PLXNA2: variants seen among roughly 807,000 people sequenced by gnomAD.
PLXNA2 encodes the protein plexin A2.
PLXNA2 carries 91 observed loss-of-function variants against 193.5 expected under a neutral mutation model. The ratio of observed to expected loss-of-function variants is 0.47; its 90% CI spans 0.40 to 0.56. The LOEUF is 0.56. Ranked by LOEUF, PLXNA2 falls within the 20% of genes least tolerant of loss-of-function variation. PLXNA2 has a pLI of 0.00. For missense variants in PLXNA2, 1,995 were observed against 2,503.2 expected (o/e 0.80, Z 4.33); for synonymous variants, 997 against 1,027.3 (o/e 0.97, Z 0.56).
intron 4 of PLXNA2, among the ~76,000 whole-genome samples, chr1:208,136,691 C>T (rs1434108882): frequency 6.6e-6 from 1 of 152,210 alleles, no homozygotes; most frequent in African/African-American, 2.4e-5. Context: ...GGAGACTCAG[C>T]TCAGTGCTGT....
intron 4 of PLXNA2, among the ~76,000 whole-genome samples, chr1:208,130,342 A>C (rs1668108258): frequency 6.6e-6 from 1 of 152,190 alleles, no homozygotes; most frequent in African/African-American, 2.4e-5. Context: ...CAGTGGGTAC[A>C]TGCAATGGCA....
chr1:208,046,077 G>A lies in PLXNA2; in HGVS notation c.3296C>T (p.Ala1099Val), dbSNP rs746135852. ...GCGGTAGTCCGTGGTCAGAGAGGGT[G>A]CCAGGCAGGTGAGGGTGGTTGTGTT... is the stretch of plus-strand genomic sequence containing the variant. ...VVNTTTLTCLAPSLTTDYRPG... is the reference protein window; with the variant it reads ...VVNTTTLTCLVPSLTTDYRPG... The change falls in exon 18 of 32, where the codon GCA (alanine) becomes GTA (valine). Residue 1099 changes from alanine (A) to valine (V), a missense_variant. Ala to Val is a moderately conservative substitution (Grantham distance 64). Transcript: ENST00000367033. 1.2e-6 allele frequency: 2 copies of A among 1,614,252 alleles called. No homozygotes were observed. Among genetic ancestry groups the A allele is most frequent in the Admixed American group, 3.3e-5 (2 of 60,032 alleles).
At chr1:208,050,384 C>T (rs1015669014) in intron 17 of PLXNA2, among the ~76,000 whole-genome samples, 2 of 152,214 alleles carry the variant, frequency 1.3e-5, no homozygotes, top group African/African-American at 4.8e-5. Context: ...AGAATTTCTC[C>T]AACCACTTCC....
intron 3 of PLXNA2, among the ~76,000 whole-genome samples, chr1:208,181,726 C>T (rs1018785002): frequency 5.3e-5 from 8 of 152,262 alleles, no homozygotes; most frequent in African/African-American, 1.4e-4. Context: ...TAGACCAGGC[C>T]GTTGTGGGCC....
intron 3 of PLXNA2, among the ~76,000 whole-genome samples, chr1:208,177,237 T>A (rs939442307): frequency 6.6e-6 from 1 of 152,140 alleles, no homozygotes; most frequent in South Asian, 2.1e-4. Flanking sequence ...CCTTTTTGTA[T>A]TTTTCCTACC....
At chr1:208,163,785 T>C (rs1669208729) in intron 3 of PLXNA2, among the ~76,000 whole-genome samples, 1 of 152,210 alleles carries the variant, frequency 6.6e-6, no homozygotes, top group South Asian at 2.1e-4. Flanking sequence ...GCTGGTGTCC[T>C]TTCTCCCAAC....
intron 1 of PLXNA2, among the ~76,000 whole-genome samples, chr1:208,240,502 G>A (rs1672012510): frequency 6.6e-6 from 1 of 152,154 alleles, no homozygotes; most frequent in Non-Finnish European, 1.5e-5. Flanking sequence ...AACTGTTCAG[G>A]GAACTGGTTC....
chr1:208,241,328 G>GA (rs1672043179), intron 1 of PLXNA2, among the ~76,000 whole-genome samples: 1 of 152,204 alleles, frequency 6.6e-6, no homozygotes, highest in Admixed American at 6.5e-5. Context: ...GTTGCAGGGT[G>GA]AATGTTCCCT....
chr1:208,036,915 C>T (rs1293458419), intron 26 of PLXNA2, among the ~76,000 whole-genome samples: 1 of 152,170 alleles, frequency 6.6e-6, no homozygotes, highest in African/African-American at 2.4e-5. Context: ...CCCACTCCTG[C>T]CCTTTAGAAA....
chr1:208,043,779 C>G (rs1664959974), intron 20 of PLXNA2, among the ~76,000 whole-genome samples: 1 of 152,222 alleles, frequency 6.6e-6, no homozygotes. Flanking sequence ...TCCACATGTC[C>G]TATTTCCCAG....
intron 4 of PLXNA2, among the ~76,000 whole-genome samples, chr1:208,131,006 A>G (rs1668132672): frequency 6.6e-6 from 1 of 152,240 alleles, no homozygotes; most frequent in Non-Finnish European, 1.5e-5. Flanking sequence ...CTGTGTTCAC[A>G]AAGATGTCCC....
At chr1:208,131,523 T>C (rs984739977) in intron 4 of PLXNA2, among the ~76,000 whole-genome samples, 3 of 152,170 alleles carry the variant, frequency 2.0e-5, no homozygotes, top group Non-Finnish European at 2.9e-5. Context: ...AAAAGCAGGC[T>C]GCAGAGCTCT....
intron 3 of PLXNA2, among the ~76,000 whole-genome samples, chr1:208,186,845 G>A (rs200330730): frequency 3.3e-5 from 5 of 150,764 alleles, no homozygotes; most frequent in South Asian, 4.2e-4. Context: ...TCAGCCTCCC[G>A]AGTAGCTGGG....
chr1:208,042,322 G>C lies in PLXNA2; in HGVS notation c.4062C>G (p.Leu1354=), dbSNP rs1295932497. The stretch of plus-strand genomic sequence containing the variant: ...CCTTGTTGTTGATGAGCTGGGCAAA[G>C]AGCTTCAGGGCCTTCTCCACGTGCT... ...GQQHVEKALK[L]FAQLINNKVF... is the part of the protein sequence containing the mutation. The change falls in exon 22 of 32, where the codon CTC becomes CTG. Residue 1354 remains leucine (L), a synonymous_variant. Transcript: ENST00000367033. The C allele has an allele frequency of 6.2e-7, 1 of 1,614,198 alleles. No homozygotes were observed. The highest frequency in any genetic ancestry group is 8.5e-7 in the Non-Finnish European group (1 of 1,180,028).
chr1:208,083,247 C>A lies in PLXNA2; in HGVS notation c.2299-739G>T, dbSNP rs528449095. Among the ~76,000 whole-genome samples, 7 of 152,296 alleles carry A rather than the reference C, an allele frequency of 4.6e-5. No homozygotes were observed. In the East Asian group the frequency reaches 1.4e-3, roughly 29 times the overall value. On this transcript the variant is annotated intron_variant, in intron 10 of 31. Coordinates refer to ENST00000367033, the MANE Select transcript of PLXNA2 (RefSeq NM_025179.4). ...ATCTCATCAGCCCTATCGTTAAAGT[C>A]CTCTAGCTGTGGCCAGGAGTCTATG...
At chr1:208,055,329 G>A (rs544311249) in intron 13 of PLXNA2, among the ~76,000 whole-genome samples, 2 of 152,150 alleles carry the variant, frequency 1.3e-5, no homozygotes, top group African/African-American at 4.8e-5. Context: ...CTTCCCTGGC[G>A]CCTGAGAACA....
At position 208,044,716 on chromosome 1, in the gene PLXNA2, C is replaced by T. The variant is rs748634091; in HGVS notation, c.3666G>A (p.Ser1222=). 77 of 1,613,826 alleles carry T rather than the reference C, an allele frequency of 4.8e-5. No homozygotes were observed. Among genetic ancestry groups the T allele is most frequent in the Non-Finnish European group, 5.6e-5 (66 of 1,179,992 alleles). Reference sequence around the variant, plus strand: ...CTGAGATGACACTCACCGAGCCAGGCGAGAACACCATCCCGCCCACGTGAA... The same window carrying T: ...CTGAGATGACACTCACCGAGCCAGGTGAGAACACCATCCCGCCCACGTGAA... The part of the protein sequence containing the change: ...VMVHVGGMVF[S]PGSVSVISDS... Residue 1222 remains serine (S), a synonymous_variant, in exon 20 of 32, where the codon TCG becomes TCA. Transcript: ENST00000367033. The surrounding 1 kb of genome is among the most constrained non-coding windows in gnomAD (Gnocchi z 4.9).
intron 7 of PLXNA2, among the ~76,000 whole-genome samples, chr1:208,096,389 G>C (rs1666888172): frequency 1.3e-5 from 2 of 152,136 alleles, no homozygotes; most frequent in Admixed American, 1.3e-4. Flanking sequence ...TGTCAGTCAT[G>C]TTCCATTACT....
At chr1:208,160,457 G>A (rs1450203158) in intron 3 of PLXNA2, among the ~76,000 whole-genome samples, 1 of 152,194 alleles carries the variant, frequency 6.6e-6, no homozygotes, top group Non-Finnish European at 1.5e-5. Flanking sequence ...TGGGAGGGAG[G>A]AACACAGAAC....
Sources: gnomAD v4.1 joint callset for allele counts (sites outside exome capture counted in the v4.1 genomes callset) on GRCh38, gnomAD v4.1.1 for gene constraint, Gnocchi (gnomAD v3.1) non-coding constraint, MANE v1.5 for transcripts, NCBI Gene and HGNC (gene_info 2026-07-23, HGNC 2026-07-21) for gene names.